Variants in SLC18A2 observed in about 807,000 individuals in gnomAD.
The protein encoded by SLC18A2 is solute carrier family 18 member A2, also known as synaptic vesicular amine transporter.
A neutral mutation model predicts 59.2 loss-of-function variants in SLC18A2; 33 were observed. The ratio of observed to expected loss-of-function variants is 0.56; its 90% confidence interval spans 0.42 to 0.75. The LOEUF is 0.75. Ranked by LOEUF, SLC18A2 falls within the 30% of genes least tolerant of loss-of-function variation. SLC18A2 has a pLI of 0.00. For missense variants in SLC18A2, 569 were observed against 668.6 expected (o/e 0.85, Z 1.64); for synonymous variants, 228 against 253.5 (o/e 0.90, Z 0.95).
chr10:117,275,454 G>C (rs1289706776), intron 15 of SLC18A2, among the ~76,000 whole-genome samples: 1 of 151,782 alleles, frequency 6.6e-6, no homozygotes, highest in African/African-American at 2.4e-5. Context: ...TTTGCAAACT[G>C]CAAAAAAAAT....
At chr10:117,264,767 A>G (rs1462521647) in intron 10 of SLC18A2, among the ~76,000 whole-genome samples, 1 of 152,188 alleles carries the variant, frequency 6.6e-6, no homozygotes, top group Non-Finnish European at 1.5e-5. Context: ...ATCATGAGAC[A>G]AATGTTGTCA....
In SLC18A2 at chr10:117,254,118, C is replaced by T. The variant is rs1245443947; in HGVS notation, c.594C>T (p.Cys198=). 1 of 1,613,284 alleles carries T rather than the reference C, an allele frequency of 6.2e-7. No homozygotes were observed. The highest frequency in any genetic ancestry group is 1.3e-5 in the African/African-American group (1 of 74,932). The part of the protein sequence containing the change: ...ARSLQGIGSS[C]SSVAGMGMLA... Reference sequence around the variant, plus strand: ...CGCTGCAGGGCATCGGCTCGTCCTGCTCCTCTGTGGCTGGTAGGTGTGGAA... The same window carrying T: ...CGCTGCAGGGCATCGGCTCGTCCTGTTCCTCTGTGGCTGGTAGGTGTGGAA... The change falls in exon 5 of 16, where the codon TGC becomes TGT. Residue 198 remains cysteine (C), a synonymous_variant. Transcript: ENST00000644641.
chr10:117,267,401 T>G, intron 12 of SLC18A2: 1 of 443,434 alleles, frequency 2.3e-6, no homozygotes, highest in Non-Finnish European at 4.0e-6. Context: ...TGAGGCCTAC[T>G]TGTTCTTGTC....
rs899844675 is a variant in SLC18A2 at position 117,268,942 on chromosome 10, A to G, written c.1187-1129A>G. Among the ~76,000 whole-genome samples the G allele has an allele frequency of 2.0e-5, 3 of 151,666 alleles. No homozygotes were observed. The South Asian group carries it at 6.2e-4, about 31-fold the overall frequency. On this transcript the variant is annotated intron_variant, in intron 13 of 15. Coordinates refer to ENST00000644641, the MANE Select transcript of SLC18A2 (RefSeq NM_003054.6). ...CTAAAAGAAGCTAAAACACACATGC[A>G]CACACATACATACACATACACACTC...
intron 5 of SLC18A2, 46 bp from the exon 6 acceptor site, chr10:117,254,359 G>T: frequency 6.7e-7 from 1 of 1,483,450 alleles, no homozygotes; most frequent in Admixed American, 1.9e-5. Context: ...TTATTCTTTT[G>T]CTGTTCCCCG....
intron 11 of SLC18A2, 80 bp from the exon 12 acceptor site, chr10:117,266,904 A>C: frequency 6.4e-7 from 1 of 1,560,544 alleles, no homozygotes; most frequent in South Asian, 1.1e-5. Context: ...GTTACAAGTA[A>C]TTGTTTTGAT....
At chr10:117,265,528 C>A (rs749502138) in intron 10 of SLC18A2, among the ~76,000 whole-genome samples, 42 of 152,258 alleles carry the variant, frequency 2.8e-4, no homozygotes, top group Non-Finnish European at 4.0e-4. Context: ...GGAAAAAATA[C>A]TAAAATCACT....
At chr10:117,251,885 G>T (rs1311426682) in intron 3 of SLC18A2, among the ~76,000 whole-genome samples, 1 of 152,078 alleles carries the variant, frequency 6.6e-6, no homozygotes, top group Admixed American at 6.6e-5. Context: ...ATTAAATCAT[G>T]ACTAAATCTG....
chr10:117,265,853 G>A (rs572811113), intron 10 of SLC18A2, among the ~76,000 whole-genome samples: 1 of 152,304 alleles, frequency 6.6e-6, no homozygotes, highest in East Asian at 1.9e-4. Flanking sequence ...ACTTTGGGAG[G>A]CTGAGGCAGG....
chr10:117,265,786 C>T (rs1019470494), intron 10 of SLC18A2, among the ~76,000 whole-genome samples: 1 of 152,092 alleles, frequency 6.6e-6, no homozygotes, highest in African/African-American at 2.4e-5. Context: ...TCTATGGGGA[C>T]AGCAATAAAA....
chr10:117,255,205 C>A, intron 6 of SLC18A2, 72 bp from the exon 7 acceptor site: 1 of 1,380,818 alleles, frequency 7.2e-7, no homozygotes, highest in Non-Finnish European at 1.0e-6. Flanking sequence ...ACACAAGAGT[C>A]AAATAGATGG....
chr10:117,244,040 G>A lies in SLC18A2; in HGVS notation c.191G>A (p.Arg64Lys), dbSNP rs186416980. Reference protein sequence around the residue: ...EKNATEIQTARPVHTASISDS... With the variant: ...EKNATEIQTAKPVHTASISDS... ...AATGCTACAGAAATCCAGACGGCCA[G>A]GCCAGTGCACACTGCCTCCATCTCA... The change falls in exon 3 of 16, where the codon AGG becomes AAG. Residue 64 changes from arginine to lysine, a missense_variant. Arg to Lys is a conservative substitution (Grantham distance 26). Transcript: ENST00000644641. The A allele has an allele frequency of 6.2e-7, 1 of 1,614,110 alleles. No homozygotes were observed. Among genetic ancestry groups the A allele is most frequent in the African/African-American group, 1.3e-5 (1 of 75,002 alleles).
chr10:117,246,968 C>G (rs774855313), intron 3 of SLC18A2, among the ~76,000 whole-genome samples: 3 of 152,214 alleles, frequency 2.0e-5, no homozygotes, highest in Non-Finnish European at 4.4e-5. Context: ...AATAAATTTT[C>G]ATATTGTGAT....
At chr10:117,247,942 G>T (rs1844125699) in intron 3 of SLC18A2, among the ~76,000 whole-genome samples, 1 of 152,152 alleles carries the variant, frequency 6.6e-6, no homozygotes, top group Non-Finnish European at 1.5e-5. Flanking sequence ...GCTTTTGTGG[G>T]TAGGAGTCAC....
rs761419790 is a variant in SLC18A2 at position 117,270,474 on chromosome 10, T to A, written c.1440+11T>A. 103 of 1,613,140 alleles carry A rather than the reference T, an allele frequency of 6.4e-5. No homozygotes were observed. Among genetic ancestry groups the A allele is most frequent in the Non-Finnish European group, 7.5e-5 (88 of 1,179,890 alleles). ...AAAGAAGAAAAAATGGTAAGAAAAA[T>A]TTAGGATGCAGTGAGCATTTCTTGA... On this transcript the variant is annotated intron_variant, in intron 15 of 15. Transcript: ENST00000644641.
At chr10:117,266,900 A>G in intron 11 of SLC18A2, 84 bp from the exon 12 acceptor site, 2 of 1,556,148 alleles carry the variant, frequency 1.3e-6, no homozygotes, top group Non-Finnish European at 1.8e-6. Flanking sequence ...TGCTGTTACA[A>G]GTAATTGTTT....
chr10:117,252,838 C>T lies in SLC18A2; in HGVS notation c.465-561C>T, dbSNP rs363410. On this transcript the variant is annotated intron_variant, in intron 3 of 15. Coordinates refer to ENST00000644641, the MANE Select transcript of SLC18A2 (RefSeq NM_003054.6). ...CTTTCCACCAGCCCTGTTGACCTGG[C>T]GCCAGAGTCCTAGGTGAGCAGTGGT... 3.2e-3 allele frequency among the ~76,000 whole-genome samples: 492 copies of T among 152,260 alleles called. 5 individuals are homozygous for T. The highest frequency in any genetic ancestry group is 0.011 in the African/African-American group (460 of 41,542).
rs1565008694 is a variant in SLC18A2, at chr10:117,269,037, TACAC to T, written c.1187-1030_1187-1027del. Among the ~76,000 whole-genome samples, 6 of 146,226 alleles carry T rather than the reference TACAC, an allele frequency of 4.1e-5. No homozygotes were observed. Among genetic ancestry groups the T allele is most frequent in the African/African-American group, 1.5e-4 (6 of 40,218 alleles). On this transcript the variant is annotated intron_variant, in intron 13 of 15. Transcript: ENST00000644641. This position sits in a 1 kb window ranked among gnomAD's most constrained non-coding sequence, Gnocchi z 5.1. ...ACTGACACACGCATACACACACACA[TACAC>T]ACATACACCCCCCACATAAACACAT...
At chr10:117,249,471 A>G (rs1844139893) in intron 3 of SLC18A2, among the ~76,000 whole-genome samples, 1 of 152,276 alleles carries the variant, frequency 6.6e-6, no homozygotes, top group Non-Finnish European at 1.5e-5. Flanking sequence ...AATTGAAAAT[A>G]TCATTCCATT....
Sources: gnomAD v4.1 joint callset for allele counts (sites outside exome capture counted in the v4.1 genomes callset) on GRCh38, gnomAD v4.1.1 for gene constraint, Gnocchi (gnomAD v3.1) non-coding constraint, MANE v1.5 for transcripts, NCBI Gene and HGNC (gene_info 2026-07-23, HGNC 2026-07-21) for gene names.